MLLT10: variants seen among roughly 807,000 people sequenced by gnomAD.
MLLT10 encodes protein AF-10.
Under a neutral mutation model 129.1 loss-of-function variants are expected in MLLT10, and 30 were observed. The ratio of observed to expected loss-of-function variants is 0.23; its 90% CI spans 0.17 to 0.32. The LOEUF (loss-of-function observed/expected upper bound fraction) is 0.32. MLLT10 is among the 10% of genes least tolerant of loss of function. MLLT10 has a pLI of 1.00. For missense variants in MLLT10, 1,119 were observed against 1,268.3 expected (o/e 0.88, Z 1.79); for synonymous variants, 490 against 446.4 (o/e 1.10, Z -1.23).
chr10:21,590,010 T>TGC (rs1434579031), intron 4 of MLLT10, among the ~76,000 whole-genome samples: 1 of 152,142 alleles, frequency 6.6e-6, no homozygotes, highest in African/African-American at 2.4e-5. Context: ...CATAGCTCAC[T>TGC]GCAGATTCAA....
At chr10:21,563,520 C>A (rs2039129738) in intron 3 of MLLT10, among the ~76,000 whole-genome samples, 1 of 152,036 alleles carries the variant, frequency 6.6e-6, no homozygotes, top group Non-Finnish European at 1.5e-5. Context: ...GAGACTCTGT[C>A]TAAAAACAGA....
chr10:21,637,441 G>C (rs915550085), intron 8 of MLLT10, among the ~76,000 whole-genome samples: 3 of 152,186 alleles, frequency 2.0e-5, no homozygotes, highest in Admixed American at 2.0e-4. Context: ...GACTGCCAGA[G>C]GAATCTGGCG....
At chr10:21,556,875 T>TA (rs1343626387) in intron 3 of MLLT10, 1 of 1,551,202 alleles carries the variant, frequency 6.4e-7, no homozygotes, top group South Asian at 1.2e-5. Context: ...GATATTCTTT[T>TA]TTATATTTAT....
At chr10:21,574,668 C>T (rs1417552574) in intron 3 of MLLT10, among the ~76,000 whole-genome samples, 2 of 152,186 alleles carry the variant, frequency 1.3e-5, no homozygotes, top group African/African-American at 4.8e-5. Context: ...GGGCAATTCC[C>T]AGAACTAGTG....
chr10:21,593,058 C>T (rs1354366682), intron 4 of MLLT10, among the ~76,000 whole-genome samples: 1 of 149,798 alleles, frequency 6.7e-6, no homozygotes, highest in Non-Finnish European at 1.5e-5. Flanking sequence ...TACTAATTCT[C>T]TTTTCATCCA....
At chr10:21,688,162 T>C (rs1282661338) in intron 13 of MLLT10, among the ~76,000 whole-genome samples, 4 of 151,602 alleles carry the variant, frequency 2.6e-5, no homozygotes, top group South Asian at 2.1e-4. Flanking sequence ...TGTTAACTTT[T>C]ATAATGGAAA....
At chr10:21,679,545 C>A (rs1306241616) in intron 11 of MLLT10, among the ~76,000 whole-genome samples, 1 of 152,072 alleles carries the variant, frequency 6.6e-6, no homozygotes, top group Non-Finnish European at 1.5e-5. Context: ...TTGGTGATGA[C>A]CTTGAGCAGT....
At chr10:21,566,222 T>C (rs1049444689) in intron 3 of MLLT10, among the ~76,000 whole-genome samples, 1 of 151,932 alleles carries the variant, frequency 6.6e-6, no homozygotes, top group Non-Finnish European at 1.5e-5. Context: ...CCCAAAGTGC[T>C]GGGATTACGG....
At chr10:21,539,799 AGCTGGGCGTG>A (rs2034769924) in intron 3 of MLLT10, among the ~76,000 whole-genome samples, 2 of 152,106 alleles carry the variant, frequency 1.3e-5, no homozygotes, top group South Asian at 4.1e-4. Context: ...TACAAACATT[AGCTGGGCGTG>A]GTGGCACGCC....
At position 21,534,340 on chromosome 10, in the gene MLLT10, C is replaced by T. The variant is rs995505073; in HGVS notation, c.-181C>T. On this transcript the variant is annotated 5_prime_UTR_variant, in exon 1 of 23. Coordinates refer to ENST00000307729, the MANE Select transcript of MLLT10 (RefSeq NM_001195626.3). Reference sequence around the variant, plus strand: ...CCCCCCAGTGCGCCTGTGCGGAGGCCCTCTTGATTATGTGTGCCCTCTCCG... The same window carrying T: ...CCCCCCAGTGCGCCTGTGCGGAGGCTCTCTTGATTATGTGTGCCCTCTCCG... The T allele has an allele frequency of 1.2e-5, 4 of 331,354 alleles. No individual in the cohort carries two copies. The highest frequency in any genetic ancestry group is 1.0e-4 in the South Asian group (1 of 9,878). 20.5% of individuals were successfully genotyped at this position (331,354 alleles called of 1,614,324 possible).
chr10:21,667,981 G>A (rs552690738), intron 9 of MLLT10, among the ~76,000 whole-genome samples: 4 of 152,118 alleles, frequency 2.6e-5, no homozygotes, highest in South Asian at 4.1e-4. Flanking sequence ...TAAGTTGCCC[G>A]TAAATCACAA....
rs2041978604 is a variant in MLLT10 at position 21,586,284 on chromosome 10, T to C, written c.241-10T>C. The C allele has an allele frequency of 3.9e-6, 6 of 1,555,030 alleles. No individual in the cohort carries two copies. The South Asian group carries it at 7.2e-5, about 19-fold the overall frequency. ...ATATTCATTACCTGTTTCTTTTTTTTTTTTTATAGAGATGTGAACTTTGTC... is the reference window on the plus strand; with the variant it reads ...ATATTCATTACCTGTTTCTTTTTTTCTTTTTATAGAGATGTGAACTTTGTC... On this transcript the variant is annotated splice_polypyrimidine_tract_variant and intron_variant, in intron 3 of 22. Coordinates refer to ENST00000307729, the MANE Select transcript of MLLT10 (RefSeq NM_001195626.3).
chr10:21,643,911 A>C (rs1391408826), intron 8 of MLLT10, among the ~76,000 whole-genome samples: 2 of 152,132 alleles, frequency 1.3e-5, no homozygotes, highest in Non-Finnish European at 2.9e-5. Flanking sequence ...TATACCTGTC[A>C]GATGTGGTCT....
At chr10:21,592,751 A>T (rs1265741991) in intron 4 of MLLT10, among the ~76,000 whole-genome samples, 1 of 152,092 alleles carries the variant, frequency 6.6e-6, no homozygotes, top group African/African-American at 2.4e-5. Flanking sequence ...GGCGTGAGCC[A>T]CCGCGCCCGG....
At chr10:21,652,773 C>T (rs1050619247) in intron 9 of MLLT10, among the ~76,000 whole-genome samples, 1 of 152,156 alleles carries the variant, frequency 6.6e-6, no homozygotes, top group Non-Finnish European at 1.5e-5. Flanking sequence ...TTGTTTTGGA[C>T]AGGCTGTGGA....
In MLLT10 at chr10:21,706,390, T is replaced by G. The variant is rs116339786; in HGVS notation, c.1700-7382T>G. 2.4e-3 allele frequency among the ~76,000 whole-genome samples: 363 copies of G among 152,330 alleles called. 1 individual carries two copies. The highest frequency in any genetic ancestry group is 8.5e-3 in the African/African-American group (352 of 41,570). ...AATCCTTGCCCCAGCCCTGTGAAAT[T>G]GTTGGTACCACCCTCACTTTATAGA... On this transcript the variant is annotated intron_variant, in intron 13 of 22. Transcript: ENST00000307729.
chr10:21,727,916 G>GTC lies in MLLT10; in HGVS notation c.2056_2057dup (p.Pro687ArgfsTer6), dbSNP rs775804078. The stretch of plus-strand genomic sequence containing the variant: ...GGCAGAGGAAGCTCACCCCGAGGAA[G>GTC]TCTCTCGCCACGGTAAGCGCTATTT... On this transcript the variant is annotated frameshift_variant, in exon 16 of 23. Coordinates refer to ENST00000307729, the MANE Select transcript of MLLT10 (RefSeq NM_001195626.3). LOFTEE classifies it high-confidence loss of function. 1.9e-6 allele frequency: 3 copies of GTC among 1,614,002 alleles called. No homozygotes were observed. Among genetic ancestry groups the GTC allele is most frequent in the East Asian group, 2.2e-5 (1 of 44,884 alleles).
chr10:21,602,797 C>T (rs777387784), intron 5 of MLLT10, among the ~76,000 whole-genome samples: 10 of 151,362 alleles, frequency 6.6e-5, no homozygotes, highest in South Asian at 2.1e-4. Context: ...GGCGCAATCT[C>T]GGCTCACTGC....
intron 5 of MLLT10, among the ~76,000 whole-genome samples, chr10:21,611,887 C>T (rs1036062996): frequency 6.6e-6 from 1 of 152,132 alleles, no homozygotes; most frequent in African/African-American, 2.4e-5. Context: ...GTTGCTAATT[C>T]GTGTAGGGCT....
Sources: allele counts gnomAD v4.1 joint callset (sites outside exome capture counted in the v4.1 genomes callset), GRCh38; gene constraint gnomAD v4.1.1; transcripts MANE v1.5; gene names NCBI Gene and HGNC (gene_info 2026-07-23, HGNC 2026-07-21).